NRG3: variants seen among roughly 807,000 people sequenced by gnomAD.
The protein encoded by NRG3 is pro-neuregulin-3, membrane-bound isoform.
NRG3 carries 31 observed loss-of-function variants against 66.9 expected under a neutral mutation model. The ratio of observed to expected loss-of-function variants is 0.46; its 90% CI spans 0.35 to 0.63. The LOEUF (loss-of-function observed/expected upper bound fraction) is 0.63, where lower values mean the gene tolerates loss of function less well. Among genes scored for constraint, NRG3 ranks in the 20% least tolerant of loss-of-function variants. The pLI is 0.00. For synonymous variants in NRG3, 393 were observed against 359.4 expected (o/e 1.09, Z -1.06); for missense variants, 910 against 878.9 (o/e 1.04, Z -0.45).
At chr10:82,869,799 G>A (rs1168427529) in intron 4 of NRG3, among the ~76,000 whole-genome samples, 1 of 151,742 alleles carries the variant, frequency 6.6e-6, no homozygotes, top group Non-Finnish European at 1.5e-5. Context: ...AGTAGAGACG[G>A]GGTTTTCACC....
chr10:82,327,518 C>T (rs2081936562), intron 1 of NRG3, among the ~76,000 whole-genome samples: 1 of 151,994 alleles, frequency 6.6e-6, no homozygotes, highest in African/African-American at 2.4e-5. Flanking sequence ...ACAATGAAAC[C>T]CCAAAGAGTT....
chr10:82,219,823 A>G (rs1466442879), intron 1 of NRG3, among the ~76,000 whole-genome samples: 1 of 152,122 alleles, frequency 6.6e-6, no homozygotes, highest in Non-Finnish European at 1.5e-5. Flanking sequence ...TACGTGAATA[A>G]AAATGTATTT....
intron 1 of NRG3, among the ~76,000 whole-genome samples, chr10:82,199,693 G>A (rs898856212): frequency 2.6e-5 from 4 of 152,138 alleles, no homozygotes; most frequent in African/African-American, 4.8e-5. Flanking sequence ...GTTAGCACCT[G>A]TCATCAATAT....
chr10:82,496,955 T>G (rs1438351702), intron 2 of NRG3, among the ~76,000 whole-genome samples: 1 of 152,192 alleles, frequency 6.6e-6, no homozygotes, highest in Non-Finnish European at 1.5e-5. Flanking sequence ...TTGTGAAATA[T>G]TCTGCTGAAT....
intron 1 of NRG3, among the ~76,000 whole-genome samples, chr10:82,355,051 A>G (rs2083687689): frequency 6.6e-6 from 1 of 152,230 alleles, no homozygotes; most frequent in Admixed American, 6.5e-5. Context: ...AGTTTGATTA[A>G]GTACATGCCA....
intron 3 of NRG3, among the ~76,000 whole-genome samples, chr10:82,841,803 A>G (rs778282689): frequency 2.0e-5 from 3 of 152,234 alleles, no homozygotes; most frequent in Admixed American, 6.5e-5. Context: ...TGAAGTTGAC[A>G]TATAAAGGTA....
At chr10:82,141,342 G>A (rs986558987) in intron 1 of NRG3, among the ~76,000 whole-genome samples, 1 of 152,072 alleles carries the variant, frequency 6.6e-6, no homozygotes, top group African/African-American at 2.4e-5. Flanking sequence ...CATTAGGGTC[G>A]ACCTTCCCTG....
intron 2 of NRG3, among the ~76,000 whole-genome samples, chr10:82,461,023 C>T (rs1186787981): frequency 2.3e-4 from 35 of 152,136 alleles, no homozygotes; most frequent in Non-Finnish European, 1.5e-5. Context: ...CCACCACCAT[C>T]AACAATACCA....
chr10:81,913,418 CT>C (rs1845363847), intron 1 of NRG3, among the ~76,000 whole-genome samples: 1 of 151,114 alleles, frequency 6.6e-6, no homozygotes, highest in Admixed American at 6.6e-5. Context: ...TCACTCAGGA[CT>C]TTTTTCTTTT....
intron 1 of NRG3, among the ~76,000 whole-genome samples, chr10:81,883,912 A>G (rs1165656016): frequency 6.6e-6 from 1 of 152,192 alleles, no homozygotes; most frequent in Non-Finnish European, 1.5e-5. Context: ...TTTAAGTAAT[A>G]ATAAAAACGA....
At chr10:82,156,178 G>A (rs2071169297) in intron 1 of NRG3, among the ~76,000 whole-genome samples, 1 of 151,256 alleles carries the variant, frequency 6.6e-6, no homozygotes, top group Non-Finnish European at 1.5e-5. Flanking sequence ...TTCACTTTCT[G>A]ATTTCTCAGA....
intron 2 of NRG3, among the ~76,000 whole-genome samples, chr10:82,393,153 A>C (rs2086497332): frequency 6.6e-6 from 1 of 152,116 alleles, no homozygotes; most frequent in African/African-American, 2.4e-5. Context: ...ATCAACACTG[A>C]GACAAAGGTG....
intron 2 of NRG3, among the ~76,000 whole-genome samples, chr10:82,696,351 A>T (rs978972274): frequency 1.3e-5 from 2 of 152,150 alleles, no homozygotes; most frequent in African/African-American, 4.8e-5. Context: ...TACTTATAGT[A>T]TATATTTAAA....
At chr10:82,573,004 C>T (rs903468331) in intron 2 of NRG3, among the ~76,000 whole-genome samples, 3 of 151,724 alleles carry the variant, frequency 2.0e-5, no homozygotes, top group African/African-American at 7.3e-5. Context: ...AAGCAGCTGC[C>T]ATTCACGAAT....
chr10:82,922,026 C>T (rs758258555), intron 4 of NRG3, among the ~76,000 whole-genome samples: 66 of 151,916 alleles, frequency 4.3e-4, no homozygotes, highest in African/African-American at 1.3e-3. Context: ...TCATTGTTAT[C>T]GTGTATGAAC....
chr10:82,117,933 C>T (rs1267588697), intron 1 of NRG3, among the ~76,000 whole-genome samples: 1 of 152,162 alleles, frequency 6.6e-6, no homozygotes, highest in Non-Finnish European at 1.5e-5. Flanking sequence ...CATTCAACCT[C>T]TCAGTTCTTC....
intron 4 of NRG3, among the ~76,000 whole-genome samples, chr10:82,949,514 A>G (rs1370263757): frequency 6.6e-6 from 1 of 152,154 alleles, no homozygotes; most frequent in African/African-American, 2.4e-5. Context: ...TAATTGAATA[A>G]TGTTCTAATT....
chr10:81,988,108 A>G (rs1432894429), intron 1 of NRG3, among the ~76,000 whole-genome samples: 1 of 152,228 alleles, frequency 6.6e-6, no homozygotes, highest in Non-Finnish European at 1.5e-5. Flanking sequence ...GCATTTCAAT[A>G]TATTGACCTT....
intron 1 of NRG3, among the ~76,000 whole-genome samples, chr10:81,896,348 C>T (rs577211495): frequency 3.9e-5 from 6 of 152,214 alleles, no homozygotes; most frequent in African/African-American, 1.2e-4. Context: ...AGAACTCTCT[C>T]TCTCACTTTC....
Sources: allele counts gnomAD v4.1 joint callset (sites outside exome capture counted in the v4.1 genomes callset), GRCh38; gene constraint gnomAD v4.1.1; transcripts MANE v1.5; gene names NCBI Gene and HGNC (gene_info 2026-07-23, HGNC 2026-07-21).